The following CLPTM1L variants were observed in gnomAD, a reference collection of about 807,000 sequenced individuals.
CLPTM1L encodes the protein CLPTM1 like, also known as lipid scramblase CLPTM1L.
Under a neutral mutation model 70.9 loss-of-function variants are expected in CLPTM1L, and 38 were observed. The ratio of observed to expected loss-of-function variants is 0.54; its 90% CI spans 0.41 to 0.70. The LOEUF (loss-of-function observed/expected upper bound fraction) is 0.70. CLPTM1L is among the 30% of genes least tolerant of loss of function. CLPTM1L has a pLI of 0.00. For synonymous variants in CLPTM1L, 339 were observed against 299.9 expected (o/e 1.13, Z -1.35); for missense variants, 652 against 705.9 (o/e 0.92, Z 0.87).
intron 5 of CLPTM1L, among the ~76,000 whole-genome samples, chr5:1,336,985 T>C (rs184958213): frequency 6.6e-6 from 1 of 152,136 alleles, no homozygotes; most frequent in Non-Finnish European, 1.5e-5. Context: ...CCAGGACTGT[T>C]TCCTCTTCAA....
intron 6 of CLPTM1L, 75 bp downstream of exon 6, chr5:1,334,982 G>T: frequency 8.9e-7 from 1 of 1,126,312 alleles, no homozygotes; most frequent in Non-Finnish European, 1.3e-6. Context: ...CCCGGCCTGT[G>T]TCAGGATTCG....
rs3222913 is a variant in CLPTM1L at position 1,342,039 on chromosome 5, T to TGTGTGTGTGTGTGTGCGC, written c.264-180_264-179insGCGCACACACACACACAC. 2.1e-4 allele frequency among the ~76,000 whole-genome samples: 32 copies of TGTGTGTGTGTGTGTGCGC among 148,974 alleles called. No homozygotes were observed. The highest frequency in any genetic ancestry group is 4.8e-4 in the African/African-American group (19 of 39,662). On this transcript the variant is annotated intron_variant, in intron 2 of 16. Coordinates refer to ENST00000320895, the MANE Select transcript of CLPTM1L (RefSeq NM_030782.5). This position sits in a 1 kb window ranked among gnomAD's most constrained non-coding sequence, Gnocchi z 4.3. ...GTGTGTGTGTGTGTGTGTGTGTGTG[T>TGTGTGTGTGTGTGTGCGC]GCACGCGCACGCGTGCGCGTCCTGA... is the stretch of plus-strand genomic sequence containing the variant.
In CLPTM1L at chr5:1,330,375, G is replaced by C; in HGVS notation, c.985C>G (p.Arg329Gly). 6.2e-7 allele frequency: 1 copy of C among 1,612,612 alleles called. No homozygotes were observed. Among genetic ancestry groups the C allele is most frequent in the Non-Finnish European group, 8.5e-7 (1 of 1,179,792 alleles). Residue 329 changes from arginine to glycine, a missense_variant, in exon 9 of 17, where the codon CGC becomes GGC. Physicochemically the swap from Arg to Gly is moderately radical, Grantham distance 125. This residue lies in a region of CLPTM1L where 240 missense variants were observed against 295.0 expected (regional missense o/e 0.81). Coordinates refer to ENST00000320895, the MANE Select transcript of CLPTM1L (RefSeq NM_030782.5). ...IGMSTKAVLW[R>G]CFSTVVIFLF... ...AAGATGACCACGGTGCTGAAGCAGC[G>C]CCAGAGCACTGGGGACAGGATGGTC...
At chr5:1,344,493 T>C (rs1457008606) in intron 1 of CLPTM1L, 42 bp from the exon 2 acceptor site, 3 of 1,565,678 alleles carry the variant, frequency 1.9e-6, no homozygotes, top group Admixed American at 3.4e-5. Flanking sequence ...GGCCAGGCCC[T>C]GGCAGGACGC....
chr5:1,325,693 G>A lies in CLPTM1L; in HGVS notation c.1146+58C>T, dbSNP rs369148150. The stretch of plus-strand genomic sequence containing the variant: ...ATGGCCATCTTACTCTTTGCACAGG[G>A]GGCAAAATCACACTCTTCAGAGAGG... On this transcript the variant is annotated intron_variant, in intron 10 of 16. Coordinates refer to ENST00000320895, the MANE Select transcript of CLPTM1L (RefSeq NM_030782.5). 122 of 1,460,344 alleles carry A rather than the reference G, an allele frequency of 8.4e-5. No homozygotes were observed. The African/African-American group carries it at 1.5e-3, about 18-fold the overall frequency. The allele number at this position is 1,460,344 out of a possible 1,614,324, so 90.5% of individuals were successfully genotyped here.
At chr5:1,322,747 C>T in intron 13 of CLPTM1L, 130 bp downstream of exon 13, 1 of 935,886 alleles carries the variant, frequency 1.1e-6, no homozygotes, top group Non-Finnish European at 1.8e-6. Flanking sequence ...GCACATGTGC[C>T]AGAACAGGGT....
At chr5:1,333,434 G>A (rs998003631) in intron 7 of CLPTM1L, among the ~76,000 whole-genome samples, 34 of 147,980 alleles carry the variant, frequency 2.3e-4, no homozygotes, top group African/African-American at 8.5e-4. Context: ...GAGGATAAGG[G>A]GGGACTACTG....
chr5:1,335,962 C>T (rs1211491426), intron 5 of CLPTM1L, among the ~76,000 whole-genome samples: 4 of 150,384 alleles, frequency 2.7e-5, no homozygotes, highest in African/African-American at 9.9e-5. Flanking sequence ...CCACCCTCCA[C>T]GTGCTGGAAC....
chr5:1,344,402 A>T lies in CLPTM1L; in HGVS notation c.212T>A (p.Ile71Asn), dbSNP rs747828358. ...TRSHLGAENN[I>N]DLVLNVEDFD... ...GTCTTCCACATTCAAGACCAGGTCG[A>T]TGTTGTTCTCAGCACCCAGGTGGGA... The change falls in exon 2 of 17, where the codon ATC becomes AAC. Residue 71 changes from isoleucine to asparagine, a missense_variant. Ile to Asn is a moderately radical substitution (Grantham distance 149, BLOSUM62 -3). This residue lies in a region of CLPTM1L where 402 missense variants were observed against 388.2 expected (regional missense o/e 1.04). Coordinates refer to ENST00000320895, the MANE Select transcript of CLPTM1L (RefSeq NM_030782.5). The T allele has an allele frequency of 7.3e-5, 118 of 1,613,760 alleles. No individual in the cohort carries two copies. Among genetic ancestry groups the T allele is most frequent in the Non-Finnish European group, 9.7e-5 (115 of 1,180,010 alleles).
chr5:1,320,826 A>G (rs1019021996), intron 15 of CLPTM1L, 95 bp from the exon 16 acceptor site: 3 of 651,146 alleles, frequency 4.6e-6, no homozygotes, highest in Non-Finnish European at 8.0e-6. Context: ...CTTTTGGCAG[A>G]TGCTTGGAAC....
Position 1,341,858 on chromosome 5 carries a change from G to T in CLPTM1L, c.266C>A (p.Thr89Lys). Residue 89 changes from threonine (T) to lysine (K), a missense_variant and splice_region_variant, in exon 3 of 17, where the codon ACA (threonine) becomes AAA (lysine). Thr to Lys is a moderately conservative substitution (Grantham distance 78). Transcript: ENST00000320895. Reference sequence around the variant, plus strand: ...TTTCTTTGGTACAGAAACATTAACTGTCCTGAAACAGAACAATCATTTCCA... The same window carrying T: ...TTTCTTTGGTACAGAAACATTAACTTTCCTGAAACAGAACAATCATTTCCA... ...DFDVESKFER[T>K]VNVSVPKKTR... 1.2e-6 allele frequency: 2 copies of T among 1,608,562 alleles called. No individual in the cohort carries two copies. The highest frequency in any genetic ancestry group is 1.7e-4 in the Middle Eastern group (1 of 6,040).
chr5:1,344,695 C>T lies in CLPTM1L; in HGVS notation c.147G>A (p.Arg49=). The stretch of plus-strand genomic sequence containing the variant: ...GGACGCTCACCTGCAGCTTGGGCCG[C>T]CGCGCCAGGTAGGGCTGGATGCAGT... ...DANCIQPYLA[R]RPKLQLSVYT... The change falls in exon 1 of 17, where the codon CGG becomes CGA. Residue 49 remains arginine (R), a synonymous_variant. Coordinates refer to ENST00000320895, the MANE Select transcript of CLPTM1L (RefSeq NM_030782.5). The T allele has an allele frequency of 6.4e-7, 1 of 1,567,122 alleles. No individual in the cohort carries two copies. Among genetic ancestry groups the T allele is most frequent in the Non-Finnish European group, 8.6e-7 (1 of 1,157,702 alleles).
Position 1,318,554 on chromosome 5 carries a change from A to G in CLPTM1L, c.1533-101T>C. On this transcript the variant is annotated intron_variant, in intron 16 of 16. Coordinates refer to ENST00000320895, the MANE Select transcript of CLPTM1L (RefSeq NM_030782.5). This position sits in a 1 kb window ranked among gnomAD's most constrained non-coding sequence, Gnocchi z 8.9. ...TCGATTTATTTTCCAGTGAGCTGCC[A>G]CAGTGAGCAAATTAACTAAAAAGTC... 1 of 923,178 alleles carries G rather than the reference A, an allele frequency of 1.1e-6. No individual in the cohort carries two copies. Among genetic ancestry groups the G allele is most frequent in the Non-Finnish European group, 1.7e-6 (1 of 581,916 alleles). 57.2% of individuals were successfully genotyped at this position (923,178 alleles called of 1,614,324 possible).
Position 1,318,074 on chromosome 5 carries a change from C to T in CLPTM1L, c.*295G>A. The T allele has an allele frequency of 2.5e-6, 1 of 407,236 alleles. No homozygotes were observed. The highest frequency in any genetic ancestry group is 5.5e-5 in the South Asian group (1 of 18,318). The allele number at this position is 407,236 out of a possible 1,614,324, so 25.2% of individuals were successfully genotyped here. On this transcript the variant is annotated 3_prime_UTR_variant, in exon 17 of 17. Coordinates refer to ENST00000320895, the MANE Select transcript of CLPTM1L (RefSeq NM_030782.5). The surrounding 1 kb of genome is among the most constrained non-coding windows in gnomAD (Gnocchi z 8.9). ...CCCTTGCCTGTGAGGGCTCCCACCC[C>T]TGCCCGCGTGAGGACATGGCCGAAC...
Position 1,335,131 on chromosome 5 carries a change from T to C in CLPTM1L, c.722A>G (p.Tyr241Cys). 2.5e-5 allele frequency: 40 copies of C among 1,613,726 alleles called. No homozygotes were observed. The highest frequency in any genetic ancestry group is 3.3e-5 in the Non-Finnish European group (39 of 1,180,020). The change falls in exon 6 of 17, where the codon TAC becomes TGC. Residue 241 changes from tyrosine to cysteine, a missense_variant. Tyr to Cys is a radical substitution (Grantham distance 194). Coordinates refer to ENST00000320895, the MANE Select transcript of CLPTM1L (RefSeq NM_030782.5). ...STTELPLTVS[Y>C]DKVSLGRLRF... ...CAGCCGCCCCAGTGAGACCTTGTCG[T>C]AGGACACGGTGAGGGGCAGCTCGGT...
intron 15 of CLPTM1L, 149 bp downstream of exon 15, chr5:1,321,486 A>T (rs2126718901): frequency 4.4e-5 from 30 of 684,330 alleles, no homozygotes; most frequent in Non-Finnish European, 5.6e-5. Flanking sequence ...TTTTTTTTTT[A>T]AAGGAGCCTC....
Position 1,344,446 on chromosome 5 carries a change from G to T in CLPTM1L, c.168C>A (p.Ser56Arg), listed in dbSNP as rs779414227. ...YLARRPKLQL[S>R]VYTTTRSHLG... ...GGTGGGACCTCGTCGTGGTGTACAC[G>T]CTCAGCTGGAAAGGAGGGGGCGTCG... The change falls in exon 2 of 17, where the codon AGC becomes AGA. Residue 56 changes from serine (S) to arginine (R), a missense_variant. Around this residue, in one of 3 missense-constraint regions of CLPTM1L, gnomAD observed 402 missense variants for 388.2 expected, o/e 1.04. Transcript: ENST00000320895. 1 of 1,612,934 alleles carries T rather than the reference G, an allele frequency of 6.2e-7. No homozygotes were observed.
At chr5:1,332,879 G>C (rs369231295) in intron 7 of CLPTM1L, among the ~76,000 whole-genome samples, 3 of 152,200 alleles carry the variant, frequency 2.0e-5, no homozygotes, top group Admixed American at 6.5e-5. Context: ...GAGGGTCTTT[G>C]AACACACCCC....
chr5:1,335,479 T>C (rs1389175952), intron 5 of CLPTM1L, among the ~76,000 whole-genome samples: 2 of 152,192 alleles, frequency 1.3e-5, no homozygotes, highest in Admixed American at 1.3e-4. Flanking sequence ...CAAGTCCTGG[T>C]GCCCCGGAGG....
Sources: allele counts gnomAD v4.1 joint callset (sites outside exome capture counted in the v4.1 genomes callset), GRCh38; gene constraint gnomAD v4.1.1; regional missense constraint gnomAD v4.1.1; non-coding constraint Gnocchi (gnomAD v3.1); transcripts MANE v1.5; gene names NCBI Gene and HGNC (gene_info 2026-07-23, HGNC 2026-07-21).